NDRG4: variants seen among roughly 807,000 people sequenced by gnomAD.
NDRG4 encodes NDRG family member 4.
In NDRG4, 38 loss-of-function variants were observed where a neutral mutation model predicts 55.8. That is an observed-to-expected ratio of 0.68 (90% CI 0.53 to 0.89). The LOEUF (loss-of-function observed/expected upper bound fraction) is 0.89. Ranked by LOEUF, NDRG4 falls within the 40% of genes least tolerant of loss-of-function variation. NDRG4 has a pLI of 0.00. For synonymous variants in NDRG4, 190 were observed against 182.7 expected, an observed-to-expected ratio of 1.04 and a Z score of -0.32; for missense variants, 455 against 468.6, an observed-to-expected ratio of 0.97 and a Z score of 0.27.
chr16:58,508,676 C>A (rs1388688079), intron 10 of NDRG4, among the ~76,000 whole-genome samples: 1 of 152,206 alleles, frequency 6.6e-6, no homozygotes, highest in Non-Finnish European at 1.5e-5. Flanking sequence ...CTTTCCCAGG[C>A]CAGTCCCACC....
chr16:58,493,345 T>G (rs12443890), intron 2 of NDRG4, among the ~76,000 whole-genome samples: 42,540 of 152,218 alleles, frequency 0.28, 7,153 homozygotes, highest in Middle Eastern at 0.46. Flanking sequence ...CTCAGCTCAC[T>G]GCAACCTCTG....
chr16:58,506,706 T>G (rs1006732588), intron 7 of NDRG4, 92 bp downstream of exon 7: 1 of 1,415,990 alleles, frequency 7.1e-7, no homozygotes, highest in Non-Finnish European at 9.7e-7. Flanking sequence ...CTTTGGCATC[T>G]GACCTGGCTC....
chr16:58,508,022 A>T, intron 10 of NDRG4, 23 bp downstream of exon 10: 1 of 1,505,384 alleles, frequency 6.6e-7, no homozygotes, highest in Admixed American at 1.9e-5. Flanking sequence ...CTGTGGGCTC[A>T]CTGGGGGTGG....
chr16:58,486,398 A>G (rs1204850800), intron 1 of NDRG4, among the ~76,000 whole-genome samples: 1 of 147,628 alleles, frequency 6.8e-6, no homozygotes, highest in East Asian at 2.0e-4. Context: ...GGGCTCAAGC[A>G]CTCCTCCGGC....
intron 1 of NDRG4, among the ~76,000 whole-genome samples, chr16:58,470,914 A>G (rs895158773): frequency 6.7e-6 from 1 of 148,298 alleles, no homozygotes; most frequent in African/African-American, 2.6e-5. Flanking sequence ...CTCCAAAAAA[A>G]AAAAAAAAAA....
intron 1 of NDRG4, among the ~76,000 whole-genome samples, chr16:58,473,850 C>T (rs1162759244): frequency 6.6e-6 from 1 of 151,882 alleles, no homozygotes; most frequent in East Asian, 1.9e-4. Flanking sequence ...TCACATCAGC[C>T]CCCTGCTCAA....
intron 1 of NDRG4, among the ~76,000 whole-genome samples, chr16:58,477,689 A>G (rs963591102): frequency 6.6e-6 from 1 of 152,256 alleles, no homozygotes; most frequent in Admixed American, 6.5e-5. Context: ...CAGGAAAAAA[A>G]AAAAGAAAAT....
intron 2 of NDRG4, 92 bp downstream of exon 2, chr16:58,503,995 C>A (rs1310161998): frequency 6.5e-7 from 1 of 1,543,432 alleles, no homozygotes; most frequent in Non-Finnish European, 8.9e-7. Flanking sequence ...CCCTGTCAGC[C>A]CCACTCACAC....
Position 58,467,653 on chromosome 16 carries a change from G to A in NDRG4, c.-24+3856G>A, listed in dbSNP as rs114276901. On this transcript the variant is annotated intron_variant, in intron 1 of 15. Transcript: ENST00000258187. ...TGGATTCAGAACCCAGCCCTGAGCCGGGAGTTGTCCCATATGGCATTCTAA... is the reference window on the plus strand; with the variant it reads ...TGGATTCAGAACCCAGCCCTGAGCCAGGAGTTGTCCCATATGGCATTCTAA... 4.9e-3 allele frequency among the ~76,000 whole-genome samples: 748 copies of A among 152,248 alleles called. 7 individuals carry two copies. Among genetic ancestry groups the A allele is most frequent in the African/African-American group, 0.017 (718 of 41,548 alleles).
rs754085446 is a variant in NDRG4, at chr16:58,508,034, A to G, written c.729+35A>G. 7 of 1,260,556 alleles carry G rather than the reference A, an allele frequency of 5.6e-6. No individual in the cohort carries two copies. In the Admixed American group the frequency reaches 8.2e-5, roughly 15 times the overall value. The allele number at this position is 1,260,556 out of a possible 1,614,324, so 78.1% of individuals were successfully genotyped here. On this transcript the variant is annotated intron_variant, in intron 10 of 14. Transcript: ENST00000570248. The stretch of plus-strand genomic sequence containing the variant: ...GGGCTGTGGGCTCACTGGGGGTGGG[A>G]GGTAGGGGTGAGGGGCTCACTGGCC...
chr16:58,464,012 C>T lies in NDRG4; in HGVS notation c.-24+215C>T, dbSNP rs865822377. 4.7e-4 allele frequency: 79 copies of T among 167,972 alleles called. 1 individual carries two copies. The highest frequency in any genetic ancestry group is 2.4e-4 in the Non-Finnish European group (19 of 78,624). 10.4% of individuals were successfully genotyped at this position (167,972 alleles called of 1,614,324 possible). On this transcript the variant is annotated intron_variant, in intron 1 of 15. Coordinates refer to the NDRG4 transcript ENST00000258187. This position sits in a 1 kb window ranked among gnomAD's most constrained non-coding sequence, Gnocchi z 4.8. The stretch of plus-strand genomic sequence containing the variant: ...CCTCCCCGCGGCTCCCGCTCTCCTT[C>T]CTCGCCTTCCCGGCCGCGCTGGGGA...
chr16:58,488,359 C>T (rs2035377469), intron 2 of NDRG4, among the ~76,000 whole-genome samples: 1 of 152,224 alleles, frequency 6.6e-6, no homozygotes, highest in Non-Finnish European at 1.5e-5. Flanking sequence ...CCAAAGACCC[C>T]TCCGTCAAGG....
chr16:58,490,119 G>A (rs2035604711), intron 2 of NDRG4, among the ~76,000 whole-genome samples: 1 of 152,336 alleles, frequency 6.6e-6, no homozygotes, highest in East Asian at 1.9e-4. Context: ...TGGGATTACA[G>A]GCCTGAGCCT....
At chr16:58,489,453 A>G (rs1271561296) in intron 2 of NDRG4, among the ~76,000 whole-genome samples, 1 of 151,578 alleles carries the variant, frequency 6.6e-6, no homozygotes, top group Admixed American at 6.6e-5. Context: ...TGCTTGGGAT[A>G]CACTAGCCCA....
In NDRG4 at chr16:58,477,161, G is replaced by GATATATATAT. The variant is rs370447012; in HGVS notation, c.-23-10588_-23-10579dup. On this transcript the variant is annotated intron_variant, in intron 1 of 15. Transcript: ENST00000258187. ...ATATATGTGTGATATATATATATGTGATATATATATATATATGTATGTGTG... is the reference window on the plus strand; with the variant it reads ...ATATATGTGTGATATATATATATGTGATATATATATATATATATATATATATGTATGTGTG... Among the ~76,000 whole-genome samples, 3 of 147,934 alleles carry GATATATATAT rather than the reference G, an allele frequency of 2.0e-5. No homozygotes were observed. The Admixed American group carries it at 2.0e-4, about 10-fold the overall frequency.
At position 58,509,145 on chromosome 16, in the gene NDRG4, C is replaced by T; in HGVS notation, c.778-9C>T. On this transcript the variant is annotated splice_polypyrimidine_tract_variant and intron_variant, in intron 11 of 14. Coordinates refer to ENST00000570248, the MANE Select transcript of NDRG4 (RefSeq NM_001242835.2). Reference sequence around the variant, plus strand: ...CCCTGCTCAGGTCACCCCACTCTCTCCCTTGCAGATGGCAGACTCTGGAGG... The same window carrying T: ...CCCTGCTCAGGTCACCCCACTCTCTTCCTTGCAGATGGCAGACTCTGGAGG... 1 of 1,614,026 alleles carries T rather than the reference C, an allele frequency of 6.2e-7. No homozygotes were observed. Among genetic ancestry groups the T allele is most frequent in the Non-Finnish European group, 8.5e-7 (1 of 1,180,036 alleles).
chr16:58,510,785 G>C, intron 14 of NDRG4, 102 bp downstream of exon 14: 1 of 1,102,430 alleles, frequency 9.1e-7, no homozygotes, highest in African/African-American at 1.5e-5. Flanking sequence ...TCTTGCTGTG[G>C]TTTGGAACCT....
upstream of NDRG4, among the ~76,000 whole-genome samples, chr16:58,496,694 C>T (rs1318088177): frequency 6.6e-6 from 1 of 152,114 alleles, no homozygotes. Context: ...CACGGACCTC[C>T]CGAGTGTTTC....
At chr16:58,475,430 G>T (rs2033476782) in intron 1 of NDRG4, among the ~76,000 whole-genome samples, 1 of 152,144 alleles carries the variant, frequency 6.6e-6, no homozygotes, top group East Asian at 1.9e-4. Flanking sequence ...GTTTGCTCTA[G>T]CATTTCCCTG....
Sources: allele counts gnomAD v4.1 joint callset (sites outside exome capture counted in the v4.1 genomes callset), GRCh38; gene constraint gnomAD v4.1.1; non-coding constraint Gnocchi (gnomAD v3.1); transcripts MANE v1.5; gene names NCBI Gene and HGNC (gene_info 2026-07-23, HGNC 2026-07-21).